The following TRIP12 variants were observed in gnomAD, a reference collection of about 807,000 sequenced individuals.
TRIP12 encodes thyroid hormone receptor interactor 12, also known as E3 ubiquitin-protein ligase TRIP12.
A neutral mutation model predicts 244.2 loss-of-function variants in TRIP12; 25 were observed. The ratio of observed to expected loss-of-function variants is 0.10; its 90% confidence interval spans 0.07 to 0.14. The LOEUF is 0.14. Ranked by LOEUF, TRIP12 falls within the 10% of genes least tolerant of loss-of-function variation. The pLI is 1.00. For synonymous variants in TRIP12, 905 were observed against 873.1 expected (o/e 1.04, Z -0.64); for missense variants, 1,677 against 2,486.4 (o/e 0.67, Z 6.92).
rs546631521 is a variant in TRIP12 at position 229,778,636 on chromosome 2, A to G, written c.5210-49T>C. 2.5e-6 allele frequency: 4 copies of G among 1,581,116 alleles called. No individual in the cohort carries two copies. In the African/African-American group the frequency reaches 5.5e-5, roughly 22 times the overall value. On this transcript the variant is annotated intron_variant, in intron 35 of 41. Coordinates refer to ENST00000675903, the MANE Select transcript of TRIP12 (RefSeq NM_001348323.3). The surrounding 1 kb of genome is among the most constrained non-coding windows in gnomAD (Gnocchi z 4.1). ...ACTTCAGATGATGTTTCCAAAAACA[A>G]AACAAAACCTGGTAACTAAGAACAT... is the stretch of plus-strand genomic sequence containing the variant.
chr2:229,804,365 C>G, intron 18 of TRIP12, 138 bp from the exon 19 acceptor site: 1 of 683,038 alleles, frequency 1.5e-6, no homozygotes, highest in South Asian at 2.2e-5. Flanking sequence ...ACATGAACTT[C>G]TATGATATGA....
At chr2:229,905,184 G>C (rs368183195) in intron 1 of TRIP12, among the ~76,000 whole-genome samples, 2 of 151,424 alleles carry the variant, frequency 1.3e-5, no homozygotes, top group Non-Finnish European at 2.9e-5. Context: ...TGAGGCAGGA[G>C]AATCGCCTGA....
chr2:229,819,735 T>C (rs2049517765), intron 8 of TRIP12, among the ~76,000 whole-genome samples: 1 of 152,220 alleles, frequency 6.6e-6, no homozygotes, highest in Admixed American at 6.5e-5. Flanking sequence ...TCCAGTCCTA[T>C]ATCATTGAGT....
In TRIP12 at chr2:229,829,183, T is replaced by G; in HGVS notation, c.1450+10A>C. On this transcript the variant is annotated intron_variant, in intron 8 of 41. Coordinates refer to ENST00000675903, the MANE Select transcript of TRIP12 (RefSeq NM_001348323.3). ...TTGAGGGATTTCAGGGAAGGAACAT[T>G]TTTACTTACTAGCTCCACTTCCAAT... 6.2e-7 allele frequency: 1 copy of G among 1,612,998 alleles called. No individual in the cohort carries two copies. The highest frequency in any genetic ancestry group is 1.3e-5 in the African/African-American group (1 of 75,004).
Position 229,863,250 on chromosome 2 carries a change from GA to G in TRIP12, c.99-2720del, listed in dbSNP as rs1324109738. ...TCTCGAAAAAAAAAAAAGAAAGAAA[GA>G]AAAAAAAAAAATCAACAATGCCCAC... On this transcript the variant is annotated intron_variant, in intron 2 of 41. Transcript: ENST00000675903. 3.8e-3 allele frequency among the ~76,000 whole-genome samples: 460 copies of G among 122,386 alleles called. 2 individuals carry two copies. Among genetic ancestry groups the G allele is most frequent in the African/African-American group, 8.9e-3 (298 of 33,314 alleles). 80.3% of individuals were successfully genotyped at this position (122,386 alleles called of 152,430 possible).
chr2:229,846,510 ATAGTGT>A (rs2154318879), intron 4 of TRIP12, among the ~76,000 whole-genome samples: 1 of 152,324 alleles, frequency 6.6e-6, no homozygotes, highest in South Asian at 2.1e-4. Context: ...AGATTACAGT[ATAGTGT>A]AAGTACAACT....
chr2:229,782,148 G>A (rs1054825309), intron 34 of TRIP12, among the ~76,000 whole-genome samples: 1 of 152,100 alleles, frequency 6.6e-6, no homozygotes, highest in Non-Finnish European at 1.5e-5. Flanking sequence ...AGGTCCTGCA[G>A]TCTCATAAGT....
In TRIP12 at chr2:229,766,779, T is replaced by C. The variant is rs2031897696; in HGVS notation, c.*775A>G. On this transcript the variant is annotated 3_prime_UTR_variant, in exon 42 of 42. Coordinates refer to ENST00000675903, the MANE Select transcript of TRIP12 (RefSeq NM_001348323.3). ...TTTCCTTGTCTCATTCCAGAGGCTGTTGCTGCTGGAATTGCCATGTAAACA... is the reference window on the plus strand; with the variant it reads ...TTTCCTTGTCTCATTCCAGAGGCTGCTGCTGCTGGAATTGCCATGTAAACA... The C allele has an allele frequency of 6.6e-6, 1 of 152,210 alleles. No individual in the cohort carries two copies. Among genetic ancestry groups the C allele is most frequent in the Admixed American group, 6.5e-5 (1 of 15,284 alleles). The allele number at this position is 152,210 out of a possible 1,614,324, so 9.4% of individuals were successfully genotyped here.
chr2:229,782,356 C>A (rs1165753271), intron 34 of TRIP12, among the ~76,000 whole-genome samples: 1 of 152,170 alleles, frequency 6.6e-6, no homozygotes, highest in African/African-American at 2.4e-5. Context: ...AAGCCTGACC[C>A]TTTGCTCAGG....
At chr2:229,779,026 TAAG>T in intron 34 of TRIP12, 36 bp from the exon 35 acceptor site, 1 of 1,578,900 alleles carries the variant, frequency 6.3e-7, no homozygotes, top group Non-Finnish European at 8.7e-7. Context: ...TTTCAAATTT[TAAG>T]AATTGTGTTT....
At chr2:229,852,368 T>A (rs2058873259) in intron 4 of TRIP12, among the ~76,000 whole-genome samples, 1 of 152,204 alleles carries the variant, frequency 6.6e-6, no homozygotes, top group Non-Finnish European at 1.5e-5. Context: ...TTGCAAATTT[T>A]TTTTTAAATT....
intron 2 of TRIP12, among the ~76,000 whole-genome samples, chr2:229,878,195 T>C (rs1056257435): frequency 2.0e-5 from 3 of 152,142 alleles, no homozygotes; most frequent in Admixed American, 6.5e-5. Context: ...CTAACACCTA[T>C]AATCCGAGCA....
intron 1 of TRIP12, among the ~76,000 whole-genome samples, chr2:229,886,017 A>C (rs2065931852): frequency 6.6e-6 from 1 of 152,206 alleles, no homozygotes; most frequent in Non-Finnish European, 1.5e-5. Context: ...AATCTTAAAG[A>C]AAAACGGGGG....
intron 15 of TRIP12, 75 bp downstream of exon 15, chr2:229,810,805 G>A (rs2047081612): frequency 6.9e-6 from 10 of 1,442,118 alleles, no homozygotes; most frequent in South Asian, 5.3e-5. Context: ...CCATTTGCTC[G>A]GCTTATGTTG....
rs539418841 is a variant in TRIP12, at chr2:229,804,211, T to G, written c.2667A>C (p.Ser889=). The G allele has an allele frequency of 1.5e-5, 25 of 1,613,064 alleles. No individual in the cohort carries two copies. Among genetic ancestry groups the G allele is most frequent in the Admixed American group, 5.0e-5 (3 of 59,816 alleles). The stretch of plus-strand genomic sequence containing the variant: ...GCTGTGCTCGAGCATCATCCTTCTT[T>G]GACTCTGAATATCCACCTATTACAT... ...ANSNTSGYSE[S]KKDDARAQLM... Residue 889 remains serine (S), a synonymous_variant, in exon 19 of 42, where the codon TCA becomes TCC. Coordinates refer to ENST00000675903, the MANE Select transcript of TRIP12 (RefSeq NM_001348323.3).
At chr2:229,874,663 CTG>C (rs2063278355) in intron 2 of TRIP12, among the ~76,000 whole-genome samples, 1 of 151,864 alleles carries the variant, frequency 6.6e-6, no homozygotes, top group South Asian at 2.1e-4. Context: ...ATATTGATCT[CTG>C]TGGAATTTTG....
intron 36 of TRIP12, 76 bp from the exon 37 acceptor site, chr2:229,777,555 A>C: frequency 6.9e-7 from 1 of 1,455,394 alleles, no homozygotes; most frequent in Non-Finnish European, 9.5e-7. Flanking sequence ...GCACTTCAGG[A>C]GATCATTTAA....
chr2:229,834,788 GA>G (rs1290524893), intron 6 of TRIP12, among the ~76,000 whole-genome samples: 1 of 152,092 alleles, frequency 6.6e-6, no homozygotes, highest in Non-Finnish European at 1.5e-5. Flanking sequence ...GAATGCACAG[GA>G]GTCTGCCTCT....
chr2:229,826,784 T>C (rs1029094763), intron 8 of TRIP12, among the ~76,000 whole-genome samples: 1 of 152,054 alleles, frequency 6.6e-6, no homozygotes, highest in African/African-American at 2.4e-5. Flanking sequence ...ATAGAAGAAG[T>C]AGAGTAAAAA....
Sources: allele counts gnomAD v4.1 joint callset (sites outside exome capture counted in the v4.1 genomes callset), GRCh38; gene constraint gnomAD v4.1.1; non-coding constraint Gnocchi (gnomAD v3.1); transcripts MANE v1.5; gene names NCBI Gene and HGNC (gene_info 2026-07-23, HGNC 2026-07-21).